The following MTRR variants were observed in gnomAD, a reference collection of about 807,000 sequenced individuals.
MTRR encodes the protein methionine synthase reductase.
Under a neutral mutation model 79.2 loss-of-function variants are expected in MTRR, and 63 were observed. That is an observed-to-expected ratio of 0.80 (90% confidence interval 0.65 to 0.98). The LOEUF (loss-of-function observed/expected upper bound fraction) is 0.98. Ranked by LOEUF, MTRR falls within the 50% of genes least tolerant of loss-of-function variation. The pLI is 0.00. For synonymous variants in MTRR, 355 were observed against 313.3 expected, an observed-to-expected ratio of 1.13 and a Z score of -1.41; for missense variants, 895 against 839.6, an observed-to-expected ratio of 1.07 and a Z score of -0.82.
chr5:7,886,630 A>G lies in MTRR; in HGVS notation c.1073A>G (p.Gln358Arg), dbSNP rs776598893. The part of the protein sequence containing the change: ...DTKKKGATLP[Q>R]HIPAGCSLQF... ...ACCTGAAAAGGAGCTACCTTACCCC[A>G]GCATATACCTGCGGGATGTTCTCTC... Residue 358 changes from glutamine to arginine, a missense_variant, in exon 8 of 15, where the codon CAG (glutamine) becomes CGG (arginine). Coordinates refer to ENST00000440940, the MANE Select transcript of MTRR (RefSeq NM_002454.3). 6.2e-7 allele frequency: 1 copy of G among 1,613,704 alleles called. No homozygotes were observed. The highest frequency in any genetic ancestry group is 1.7e-5 in the Admixed American group (1 of 60,018).
In MTRR at chr5:7,885,985, A is replaced by G. The variant is rs78869385; in HGVS notation, c.1057+131A>G. ...GATGCCTGGGGCTCAGCTGCGCATC[A>G]AGGTCTGGGAACACAGGCATACGCT... On this transcript the variant is annotated intron_variant, in intron 7 of 14. Transcript: ENST00000440940. The G allele has an allele frequency of 2.6e-3, 3,064 of 1,176,582 alleles. 61 individuals are homozygous for G. The African/African-American group carries it at 0.041, about 16-fold the overall frequency. The allele number at this position is 1,176,582 out of a possible 1,614,324, so 72.9% of individuals were successfully genotyped here.
At chr5:7,867,999 G>C (rs1255568329), upstream of MTRR, 1 of 1,614,054 alleles carries the variant, frequency 6.2e-7, no homozygotes, top group Non-Finnish European at 8.5e-7. Flanking sequence ...TGATTTAGAG[G>C]TTTATTTTTT....
intron 4 of MTRR, among the ~76,000 whole-genome samples, 161 bp from the exon 5 acceptor site, chr5:7,877,783 T>C (rs896184628): frequency 4.6e-5 from 7 of 152,146 alleles, no homozygotes; most frequent in Non-Finnish European, 1.0e-4. Context: ...TCCTGCTTGT[T>C]AAAACTTAAT....
At chr5:7,880,384 A>C (rs956843625) in intron 5 of MTRR, among the ~76,000 whole-genome samples, 1 of 152,222 alleles carries the variant, frequency 6.6e-6, no homozygotes, top group Non-Finnish European at 1.5e-5. Context: ...GGGAAGGAGC[A>C]CTTTGACTAA....
At chr5:7,864,983 ATAG>A (rs1368111243), upstream of MTRR, among the ~76,000 whole-genome samples, 11 of 152,218 alleles carry the variant, frequency 7.2e-5, no homozygotes, top group African/African-American at 2.4e-4. Context: ...AAGTGCATCA[ATAG>A]TAGAATAAAC....
At chr5:7,874,542 T>C (rs1052977929) in intron 3 of MTRR, among the ~76,000 whole-genome samples, 6 of 151,174 alleles carry the variant, frequency 4.0e-5, no homozygotes, top group Non-Finnish European at 8.8e-5. Flanking sequence ...CTCACCCTTT[T>C]GTAGAGAAAG....
rs1738694881 is a variant in MTRR at position 7,897,246 on chromosome 5, G to A, written c.1951G>A (p.Gly651Arg). The stretch of plus-strand genomic sequence containing the variant: ...GGAGAACGGCCATATTTATGTGTGT[G>A]GGTGAGTCATTATCGTGCCTAAGTC... Reference protein sequence around the residue: ...LQENGHIYVCGDAKNMAKDVH... With the variant: ...LQENGHIYVCRDAKNMAKDVH... Residue 651 changes from glycine to arginine, a missense_variant and splice_region_variant, in exon 14 of 15, where the codon GGA becomes AGA. Gly to Arg is a moderately radical substitution (Grantham distance 125, BLOSUM62 -2). Coordinates refer to ENST00000440940, the MANE Select transcript of MTRR (RefSeq NM_002454.3). 6.2e-7 allele frequency: 1 copy of A among 1,614,062 alleles called. No individual in the cohort carries two copies. The highest frequency in any genetic ancestry group is 2.2e-5 in the East Asian group (1 of 44,870).
Position 7,899,790 on chromosome 5 carries a change from T to G in MTRR, c.1953-124T>G, listed in dbSNP as rs142412032. On this transcript the variant is annotated intron_variant, in intron 14 of 14. Coordinates refer to ENST00000440940, the MANE Select transcript of MTRR (RefSeq NM_002454.3). ...GTGAGGCTGGGAGATCTGTGTGAGATGTTCTGAGAAGACGGAGGGAAGAAC... is the reference window on the plus strand; with the variant it reads ...GTGAGGCTGGGAGATCTGTGTGAGAGGTTCTGAGAAGACGGAGGGAAGAAC... 23,869 of 1,259,724 alleles carry G rather than the reference T, an allele frequency of 0.019. 271 individuals carry two copies. Among genetic ancestry groups the G allele is most frequent in the Non-Finnish European group, 0.024 (20,493 of 861,648 alleles). The allele number at this position is 1,259,724 out of a possible 1,614,324, so 78.0% of individuals were successfully genotyped here. A position where few individuals can be genotyped will look rare whatever the true frequency, so the allele number is the denominator to read the frequency against.
chr5:7,889,379 T>G (rs1212772671), intron 9 of MTRR, 104 bp downstream of exon 9: 9 of 1,200,324 alleles, frequency 7.5e-6, no homozygotes, highest in Non-Finnish European at 1.1e-5. Flanking sequence ...TTACCCTTTG[T>G]ATCCTATGCC....
In MTRR at chr5:7,875,354, G is replaced by A. The variant is rs377233867; in HGVS notation, c.380G>A (p.Gly127Glu). The change falls in exon 4 of 15, where the codon GGA becomes GAA. Residue 127 changes from glycine (G) to glutamate (E), a missense_variant. By Grantham distance (98) the Gly-to-Glu change is moderately conservative. Transcript: ENST00000440940. ...GGAGCCCGGCATTTCTATGACACTG[G>A]ACATGCAGATGACTGTGTAGGGTAA... is the stretch of plus-strand genomic sequence containing the variant. ...ELGARHFYDT[G>E]HADDCVGLEL... 2 of 1,612,180 alleles carry A rather than the reference G, an allele frequency of 1.2e-6. No individual in the cohort carries two copies. Among genetic ancestry groups the A allele is most frequent in the African/African-American group, 2.7e-5 (2 of 74,832 alleles).
intron 5 of MTRR, among the ~76,000 whole-genome samples, chr5:7,879,462 CAAAAA>C (rs35558077): frequency 5.6e-5 from 5 of 88,572 alleles, no homozygotes; most frequent in African/African-American, 2.2e-4. Context: ...GACTCCGTCT[CAAAAA>C]AAAAAAAAAA....
intron 1 of MTRR, 175 bp downstream of exon 1, chr5:7,869,390 C>T: frequency 1.5e-6 from 1 of 683,466 alleles, no homozygotes; most frequent in Non-Finnish European, 2.4e-6. Context: ...TGGCCTTTGG[C>T]CTTTGGCTTT....
upstream of MTRR, among the ~76,000 whole-genome samples, chr5:7,864,371 T>A (rs1040984171): frequency 6.6e-6 from 1 of 152,114 alleles, no homozygotes; most frequent in Non-Finnish European, 1.5e-5. Flanking sequence ...ATATTATTTT[T>A]AAAAATGTAA....
chr5:7,866,583 TTGAAACCACTGCCAGTTC>T (rs1746966525), upstream of MTRR: 474 of 1,278,016 alleles, frequency 3.7e-4, 5 homozygotes, highest in South Asian at 6.4e-3. Context: ...TATATGTGAC[TTGAAACCACTGCCAGTTC>T]AAAGGTTACT....
At chr5:7,854,530 G>A (rs949691719) in intron 1 of MTRR, among the ~76,000 whole-genome samples, 5 of 152,094 alleles carry the variant, frequency 3.3e-5, no homozygotes, top group Non-Finnish European at 7.4e-5. Flanking sequence ...TCAGAATCAT[G>A]GCAGGAGATG....
chr5:7,861,731 G>T, intron 1 of MTRR: 1 of 1,539,236 alleles, frequency 6.5e-7, no homozygotes, highest in Non-Finnish European at 8.8e-7. Context: ...CCTTTGCTTT[G>T]CTTTGATTCC....
In MTRR at chr5:7,878,197, G is replaced by A; in HGVS notation, c.655G>A (p.Val219Ile). 1 of 1,614,180 alleles carries A rather than the reference G, an allele frequency of 6.2e-7. No individual in the cohort carries two copies. The highest frequency in any genetic ancestry group is 8.5e-7 in the Non-Finnish European group (1 of 1,180,036). Residue 219 changes from valine (V) to isoleucine (I), a missense_variant, in exon 5 of 15, where the codon GTT (valine) becomes ATT (isoleucine). Physicochemically the swap from Val to Ile is conservative, Grantham distance 29. Transcript: ENST00000440940. ...TGCAGTGAACAGCAACCAATCCAAT[G>A]TTGTAATTGAAGACTTTGAGTCCTC... ...QNAVNSNQSN[V>I]VIEDFESSLT... is the part of the protein sequence containing the mutation.
intron 2 of MTRR, 107 bp downstream of exon 2, chr5:7,871,030 T>C (rs541682249): frequency 1.5e-6 from 2 of 1,302,218 alleles, no homozygotes; most frequent in South Asian, 1.2e-5. Context: ...ATAGTCTTTG[T>C]TTTTTAACAG....
chr5:7,896,399 G>T, intron 12 of MTRR: 1 of 208,890 alleles, frequency 4.8e-6, no homozygotes, highest in Non-Finnish European at 9.7e-6. Context: ...CCTGTCCTTC[G>T]GACAGTTATT....
Sources: gnomAD v4.1 joint callset for allele counts (sites outside exome capture counted in the v4.1 genomes callset) on GRCh38, gnomAD v4.1.1 for gene constraint, MANE v1.5 for transcripts, NCBI Gene and HGNC (gene_info 2026-07-23, HGNC 2026-07-21) for gene names.